BMP5: variants seen among roughly 807,000 people sequenced by gnomAD.
BMP5 encodes bone morphogenetic protein 5.
A neutral mutation model predicts 46.6 loss-of-function variants in BMP5; 23 were observed. That is an observed-to-expected ratio of 0.49 (90% CI 0.35 to 0.70). The LOEUF (loss-of-function observed/expected upper bound fraction) is 0.70. Among genes scored for constraint, BMP5 ranks in the 30% least tolerant of loss-of-function variants. The probability of loss-of-function intolerance (pLI) is 0.00; values close to 1 mark genes in which losing one functional copy is unlikely to be tolerated. For missense variants in BMP5, 545 were observed against 565.6 expected, an observed-to-expected ratio of 0.96 and a Z score of 0.37; for synonymous variants, 204 against 191.9, an observed-to-expected ratio of 1.06 and a Z score of -0.52.
chr6:55,766,063 AT>A (rs976859636), intron 4 of BMP5, among the ~76,000 whole-genome samples: 3 of 151,984 alleles, frequency 2.0e-5, no homozygotes, highest in African/African-American at 7.3e-5. Flanking sequence ...CTTGATTTTC[AT>A]TTTTCCCCTC....
At chr6:55,757,639 C>T (rs563037363) in intron 6 of BMP5, among the ~76,000 whole-genome samples, 2 of 151,906 alleles carry the variant, frequency 1.3e-5, no homozygotes, top group South Asian at 2.1e-4. Flanking sequence ...GAAGTCATAT[C>T]AGACTTTAAA....
rs561864003 is a variant in BMP5 at position 55,816,992 on chromosome 6, GA to G, written c.683+2662del. Among the ~76,000 whole-genome samples, 1,244 of 152,108 alleles carry G rather than the reference GA, an allele frequency of 8.2e-3. 16 individuals carry two copies. The highest frequency in any genetic ancestry group is 0.028 in the African/African-American group (1,162 of 41,490). On this transcript the variant is annotated intron_variant, in intron 2 of 6. Transcript: ENST00000370830. The stretch of plus-strand genomic sequence containing the variant: ...ACATTTATGCAGCCAACAGACACAT[GA>G]AAAAAACGCTCATCATCACTGGCCA...
chr6:55,832,847 A>G (rs928186842), intron 1 of BMP5, among the ~76,000 whole-genome samples: 3 of 152,110 alleles, frequency 2.0e-5, no homozygotes, highest in African/African-American at 7.2e-5. Context: ...GCAGTGGTCC[A>G]TGCCTATAAT....
intron 1 of BMP5, among the ~76,000 whole-genome samples, chr6:55,849,887 C>A (rs1278749111): frequency 6.6e-6 from 1 of 151,932 alleles, no homozygotes. Flanking sequence ...TCTATCCTAC[C>A]CTTGATAATC....
intron 1 of BMP5, among the ~76,000 whole-genome samples, chr6:55,866,850 T>G (rs1777651615): frequency 6.6e-6 from 1 of 152,190 alleles, no homozygotes; most frequent in African/African-American, 2.4e-5. Flanking sequence ...CCACTTTATT[T>G]CACCAACTCC....
chr6:55,874,196 A>AAT (rs1325998297), intron 1 of BMP5, among the ~76,000 whole-genome samples, 180 bp downstream of exon 1: 12 of 151,986 alleles, frequency 7.9e-5, no homozygotes, highest in South Asian at 6.2e-4. Context: ...ATTCATATTA[A>AAT]ATATATATAT....
intron 2 of BMP5, among the ~76,000 whole-genome samples, chr6:55,815,672 T>C (rs1370278585): frequency 6.6e-6 from 1 of 152,068 alleles, no homozygotes; most frequent in Non-Finnish European, 1.5e-5. Flanking sequence ...TAGAAAAATA[T>C]CAGAGGTGCA....
intron 2 of BMP5, among the ~76,000 whole-genome samples, chr6:55,810,768 G>A (rs1292407396): frequency 6.6e-6 from 1 of 152,138 alleles, no homozygotes; most frequent in Admixed American, 6.5e-5. Context: ...TTGGTACCAA[G>A]GACATTTTGG....
rs1256128021 is a variant in BMP5 at position 55,764,520 on chromosome 6, C to T, written c.1028-3987G>A. 4.1e-5 allele frequency among the ~76,000 whole-genome samples: 6 copies of T among 146,134 alleles called. No homozygotes were observed. The South Asian group carries it at 1.3e-3, about 31-fold the overall frequency. ...CCCGGGAGGCGGAGCTTGCAGTGAG[C>T]GAGATGGTGCCACTTCACTTCAGCC... On this transcript the variant is annotated intron_variant, in intron 4 of 6. Coordinates refer to ENST00000370830, the MANE Select transcript of BMP5 (RefSeq NM_021073.4).
chr6:55,800,155 A>T (rs186068602), intron 2 of BMP5, among the ~76,000 whole-genome samples: 3 of 152,246 alleles, frequency 2.0e-5, no homozygotes, highest in Non-Finnish European at 4.4e-5. Flanking sequence ...AACAACATAG[A>T]TGGATCTGAA....
At chr6:55,794,552 G>T in intron 2 of BMP5, 125 bp from the exon 3 acceptor site, 1 of 927,602 alleles carries the variant, frequency 1.1e-6, no homozygotes, top group Non-Finnish European at 1.7e-6. Context: ...AGAACAAGAG[G>T]AACAAGTGAC....
chr6:55,864,343 G>A (rs1777591471), intron 1 of BMP5, among the ~76,000 whole-genome samples: 2 of 152,246 alleles, frequency 1.3e-5, no homozygotes, highest in South Asian at 4.1e-4. Context: ...TGAAGGCACT[G>A]CCGTTATGAA....
chr6:55,828,176 C>T (rs974133782), intron 1 of BMP5, among the ~76,000 whole-genome samples: 5 of 151,878 alleles, frequency 3.3e-5, no homozygotes, highest in African/African-American at 1.2e-4. Flanking sequence ...GATAGTTTAT[C>T]TACAGTGAAT....
intron 3 of BMP5, among the ~76,000 whole-genome samples, chr6:55,793,937 A>G (rs1775638532): frequency 6.6e-6 from 1 of 152,174 alleles, no homozygotes; most frequent in Non-Finnish European, 1.5e-5. Context: ...CAAATCGTAT[A>G]GTTGTGTAAC....
intron 6 of BMP5, 94 bp downstream of exon 6, chr6:55,758,911 G>T: frequency 3.5e-6 from 3 of 858,222 alleles, no homozygotes; most frequent in Non-Finnish European, 6.0e-6. Flanking sequence ...ATAAAATAAT[G>T]CATTAAAATT....
chr6:55,797,930 T>A (rs529642586), intron 2 of BMP5, among the ~76,000 whole-genome samples: 1 of 152,254 alleles, frequency 6.6e-6, no homozygotes, highest in South Asian at 2.1e-4. Context: ...TCTAAGGCTG[T>A]CATAACAAAA....
At chr6:55,811,055 C>G (rs1776123992) in intron 2 of BMP5, among the ~76,000 whole-genome samples, 1 of 152,218 alleles carries the variant, frequency 6.6e-6, no homozygotes, top group South Asian at 2.1e-4. Flanking sequence ...GTGTACCGTT[C>G]TAGACACTTT....
rs558168156 is a variant in BMP5 at position 55,842,761 on chromosome 6, T to A, written c.491-22914A>T. Among the ~76,000 whole-genome samples, 7 of 152,160 alleles carry A rather than the reference T, an allele frequency of 4.6e-5. No homozygotes were observed. The South Asian group carries it at 1.2e-3, about 27-fold the overall frequency. On this transcript the variant is annotated intron_variant, in intron 1 of 6. Transcript: ENST00000370830. ...TGTCTGATACCTAGAAAAGTTGCCTTATTTTTTTTTTTACAATTTCATTGG... is the reference window on the plus strand; with the variant it reads ...TGTCTGATACCTAGAAAAGTTGCCTAATTTTTTTTTTTACAATTTCATTGG...
chr6:55,758,890 A>T, intron 6 of BMP5, 115 bp downstream of exon 6: 1 of 791,854 alleles, frequency 1.3e-6, no homozygotes, highest in Non-Finnish European at 2.2e-6. Context: ...GAAACAAATG[A>T]GTTTGAGAAG....
Sources: gnomAD v4.1 joint callset for allele counts (sites outside exome capture counted in the v4.1 genomes callset) on GRCh38, gnomAD v4.1.1 for gene constraint, MANE v1.5 for transcripts, NCBI Gene and HGNC (gene_info 2026-07-23, HGNC 2026-07-21) for gene names.